TAFA1: variants seen among roughly 807,000 people sequenced by gnomAD.
TAFA1 encodes TAFA chemokine like family member 1.
In TAFA1, 4 loss-of-function variants were observed where a neutral mutation model predicts 18.5. The ratio of observed to expected loss-of-function variants is 0.22; its 90% confidence interval spans 0.11 to 0.49. The LOEUF is 0.49. TAFA1 is among the 20% of genes least tolerant of loss of function. TAFA1 has a pLI of 0.98. For synonymous variants in TAFA1, 56 were observed against 55.2 expected (o/e 1.01, Z -0.06); for missense variants, 147 against 169.0 (o/e 0.87, Z 0.72).
rs149804047 is a variant in TAFA1, at chr3:68,168,839, C to T, written c.118+162095C>T. Among the ~76,000 whole-genome samples the T allele has an allele frequency of 1.8e-3, 272 of 152,270 alleles. 1 individual carries two copies. Among genetic ancestry groups the T allele is most frequent in the African/African-American group, 6.2e-3 (256 of 41,548 alleles). Reference sequence around the variant, plus strand: ...ATTTATAGCCAGGAGTCCCTCTCAGCCCAAAGTCACTGTTCTGGAAGCTGG... The same window carrying T: ...ATTTATAGCCAGGAGTCCCTCTCAGTCCAAAGTCACTGTTCTGGAAGCTGG... On this transcript the variant is annotated intron_variant, in intron 2 of 4. Transcript: ENST00000478136.
At chr3:68,087,641 T>G (rs2064987029) in intron 2 of TAFA1, among the ~76,000 whole-genome samples, 1 of 151,162 alleles carries the variant, frequency 6.6e-6, no homozygotes, top group South Asian at 2.1e-4. Flanking sequence ...CTTCTTTCCT[T>G]TCTTCCCTTT....
chr3:68,169,612 G>A (rs1052909016), intron 2 of TAFA1, among the ~76,000 whole-genome samples: 2 of 152,188 alleles, frequency 1.3e-5, no homozygotes, highest in Non-Finnish European at 2.9e-5. Flanking sequence ...AATAATGAAT[G>A]TAGAATTCTA....
intron 2 of TAFA1, among the ~76,000 whole-genome samples, chr3:68,120,153 CTT>C (rs2065371425): frequency 6.8e-6 from 1 of 148,118 alleles, no homozygotes; most frequent in African/African-American, 2.6e-5. Flanking sequence ...CATTTTCTTT[CTT>C]TCTTTCTCTT....
intron 2 of TAFA1, among the ~76,000 whole-genome samples, chr3:68,274,810 C>T (rs923503177): frequency 1.8e-4 from 27 of 152,276 alleles, no homozygotes; most frequent in African/African-American, 6.3e-4. Flanking sequence ...TAATGAGATG[C>T]GACTGCTTGT....
chr3:68,542,827 G>T (rs953887664), intron 4 of TAFA1, among the ~76,000 whole-genome samples: 23 of 152,124 alleles, frequency 1.5e-4, no homozygotes, highest in African/African-American at 5.3e-4. Flanking sequence ...TGTGGGAAGG[G>T]GGTAGAGGAA....
chr3:68,393,838 A>G (rs554691551), intron 2 of TAFA1, among the ~76,000 whole-genome samples: 1 of 152,310 alleles, frequency 6.6e-6, no homozygotes, highest in Non-Finnish European at 1.5e-5. Flanking sequence ...AACACTCAAT[A>G]AACTAGGTAT....
At chr3:68,145,424 A>G (rs542230926) in intron 2 of TAFA1, 26 of 848,842 alleles carry the variant, frequency 3.1e-5, no homozygotes, top group Non-Finnish European at 4.6e-5. Context: ...TGGACTTCCT[A>G]TAGAAGAGGC....
At chr3:68,151,806 T>C (rs1361150510) in intron 2 of TAFA1, among the ~76,000 whole-genome samples, 5 of 152,200 alleles carry the variant, frequency 3.3e-5, no homozygotes, top group African/African-American at 1.2e-4. Flanking sequence ...ATTCAAACTA[T>C]GGAACTGAGG....
intron 2 of TAFA1, among the ~76,000 whole-genome samples, chr3:68,257,196 C>T (rs2067315086): frequency 6.6e-6 from 1 of 152,104 alleles, no homozygotes; most frequent in Admixed American, 6.6e-5. Flanking sequence ...CACTCCTGCT[C>T]ATCCCTTAGA....
chr3:68,287,139 C>T (rs2068024073), intron 2 of TAFA1, among the ~76,000 whole-genome samples: 1 of 152,186 alleles, frequency 6.6e-6, no homozygotes, highest in African/African-American at 2.4e-5. Flanking sequence ...TCTCGGCCCT[C>T]AGTTAATTTA....
At chr3:68,416,822 G>T (rs2070847042) in intron 2 of TAFA1, among the ~76,000 whole-genome samples, 1 of 152,170 alleles carries the variant, frequency 6.6e-6, no homozygotes, top group South Asian at 2.1e-4. Flanking sequence ...CCCCTTGAGA[G>T]TAGGCAGGCA....
intron 2 of TAFA1, among the ~76,000 whole-genome samples, chr3:68,083,412 C>A (rs184996768): frequency 1.3e-5 from 2 of 152,126 alleles, no homozygotes; most frequent in Admixed American, 6.5e-5. Flanking sequence ...ATTAAAAGGA[C>A]GAGGGAAGAA....
chr3:68,340,825 T>C (rs1021526286), intron 2 of TAFA1, among the ~76,000 whole-genome samples: 1 of 152,194 alleles, frequency 6.6e-6, no homozygotes, highest in African/African-American at 2.4e-5. Flanking sequence ...TACAATTTAA[T>C]GAGGAAGACA....
At chr3:68,468,436 CTTTGTA>C (rs2071930391) in intron 3 of TAFA1, among the ~76,000 whole-genome samples, 1 of 152,142 alleles carries the variant, frequency 6.6e-6, no homozygotes, top group Admixed American at 6.5e-5. Context: ...CATTGAAGTT[CTTTGTA>C]TTTGTGAGAC....
chr3:68,429,238 T>C lies in TAFA1; in HGVS notation c.259+11818T>C, dbSNP rs150228397. Among the ~76,000 whole-genome samples, 5 of 152,074 alleles carry C rather than the reference T, an allele frequency of 3.3e-5. No homozygotes were observed. The East Asian group carries it at 9.7e-4, about 29-fold the overall frequency. ...TGATCTTCTCAACTAAATGGAACAC[T>C]ACTTAGAGTAGTAGGCTAAAACTGG... On this transcript the variant is annotated intron_variant, in intron 3 of 4. Transcript: ENST00000478136.
chr3:68,145,830 G>C (rs921207541), intron 2 of TAFA1, among the ~76,000 whole-genome samples: 7 of 152,208 alleles, frequency 4.6e-5, no homozygotes, highest in Non-Finnish European at 1.0e-4. Context: ...AACTTGTACT[G>C]ATAAACTTGA....
At position 68,242,486 on chromosome 3, in the gene TAFA1, T is replaced by A. The variant is rs549108595; in HGVS notation, c.119-174794T>A. ...TAAATTAATGAGGTTTTACTGTATA[T>A]TAAAGTATAATACATCTCTAGCACC... is the stretch of plus-strand genomic sequence containing the variant. On this transcript the variant is annotated intron_variant, in intron 2 of 4. Coordinates refer to ENST00000478136, the MANE Select transcript of TAFA1 (RefSeq NM_213609.4). Among the ~76,000 whole-genome samples the A allele has an allele frequency of 3.3e-5, 5 of 152,304 alleles. No individual in the cohort carries two copies. The South Asian group carries it at 1.0e-3, about 32-fold the overall frequency.
At chr3:68,335,897 C>A (rs1173876457) in intron 2 of TAFA1, among the ~76,000 whole-genome samples, 3 of 152,152 alleles carry the variant, frequency 2.0e-5, no homozygotes, top group Non-Finnish European at 4.4e-5. Context: ...GTCAAGTTGT[C>A]ATTTGTACAC....
intron 2 of TAFA1, among the ~76,000 whole-genome samples, chr3:68,414,336 G>A (rs1191018938): frequency 6.6e-6 from 1 of 151,908 alleles, no homozygotes; most frequent in African/African-American, 2.4e-5. Context: ...AAACAAATAA[G>A]GTCAGAGTCA....
Sources: allele counts gnomAD v4.1 joint callset (sites outside exome capture counted in the v4.1 genomes callset), GRCh38; gene constraint gnomAD v4.1.1; transcripts MANE v1.5; gene names NCBI Gene and HGNC (gene_info 2026-07-23, HGNC 2026-07-21).